Variants in AHNAK observed in about 807,000 individuals in gnomAD.
The protein encoded by AHNAK is AHNAK nucleoprotein.
AHNAK carries 23 observed loss-of-function variants against 37.8 expected under a neutral mutation model. The observed-to-expected ratio is 0.61, with a 90% confidence interval of 0.44 to 0.86. The LOEUF is 0.86. Ranked by LOEUF, AHNAK falls within the 40% of genes least tolerant of loss-of-function variation. AHNAK has a pLI of 0.00. For missense variants in AHNAK, 7,411 were observed against 7,319.4 expected (o/e 1.01, Z -0.46); for synonymous variants, 2,481 against 2,636.3 (o/e 0.94, Z 1.80).
At position 62,517,848 on chromosome 11, in the gene AHNAK, G is replaced by A. The variant is rs776481511; in HGVS notation, c.16569C>T (p.Ile5523=). The change falls in exon 5 of 5, where the codon ATC becomes ATT. Residue 5523 remains isoleucine (I), a synonymous_variant. Coordinates refer to ENST00000378024, the MANE Select transcript of AHNAK (RefSeq NM_001620.3). ...LPTGQISGPE[I]KGGLKGSEVG... is the part of the protein sequence containing the mutation. Reference sequence around the variant, plus strand: ...CTTCTGAACCTTTCAGACCACCTTTGATTTCAGGCCCAGAAATCTGCCCAG... The same window carrying A: ...CTTCTGAACCTTTCAGACCACCTTTAATTTCAGGCCCAGAAATCTGCCCAG... 1.9e-6 allele frequency: 3 copies of A among 1,614,142 alleles called. No individual in the cohort carries two copies. Among genetic ancestry groups the A allele is most frequent in the Non-Finnish European group, 2.5e-6 (3 of 1,180,018 alleles).
At chr11:62,448,141 A>G (rs1183591917) in intron 5 of AHNAK, among the ~76,000 whole-genome samples, 2 of 152,108 alleles carry the variant, frequency 1.3e-5, no homozygotes, top group African/African-American at 4.8e-5. Context: ...GCGTGTGGGG[A>G]CCAAAAGGAA....
chr11:62,474,026 G>A (rs73498079), intron 5 of AHNAK, among the ~76,000 whole-genome samples: 9,159 of 151,570 alleles, frequency 0.06, 932 homozygotes, highest in African/African-American at 0.21. Context: ...TAAGTGAGGT[G>A]ACAGACATGT....
exon 6 of AHNAK, chr11:62,433,741 C>T (rs963551878): frequency 5.0e-6 from 6 of 1,191,782 alleles, no homozygotes; most frequent in African/African-American, 1.5e-5. Flanking sequence ...TCCGAAAAGC[C>T]GCCTCGCGGA....
At position 62,523,125 on chromosome 11, in the gene AHNAK, A is replaced by G. The variant is rs983909701; in HGVS notation, c.11292T>C (p.Asp3764=). Residue 3764 remains aspartate (D), a synonymous_variant, in exon 5 of 5, where the codon GAT becomes GAC. Coordinates refer to ENST00000378024, the MANE Select transcript of AHNAK (RefSeq NM_001620.3). ...LKGPKVKGDV[D]VSLPKMEGDL... ...CACCTTCCATTTTGGGCAGAGAAAC[A>G]TCCACATCGCCCTTGACTTTGGGGC... 1 of 1,613,876 alleles carries G rather than the reference A, an allele frequency of 6.2e-7. No individual in the cohort carries two copies. Among genetic ancestry groups the G allele is most frequent in the Non-Finnish European group, 8.5e-7 (1 of 1,180,010 alleles).
chr11:62,485,289 G>A (rs1267547488), intron 5 of AHNAK, among the ~76,000 whole-genome samples: 1 of 152,088 alleles, frequency 6.6e-6, no homozygotes, highest in Non-Finnish European at 1.5e-5. Flanking sequence ...GTACTGGGGC[G>A]GCTGAGGTGG....
intron 5 of AHNAK, among the ~76,000 whole-genome samples, chr11:62,450,295 T>A (rs1002279139): frequency 1.3e-5 from 2 of 151,918 alleles, no homozygotes; most frequent in African/African-American, 2.4e-5. Flanking sequence ...GTAGCTGAGA[T>A]TACAGGCACC....
chr11:62,515,740 A>C (rs1939998772), downstream of AHNAK, among the ~76,000 whole-genome samples: 1 of 152,190 alleles, frequency 6.6e-6, no homozygotes, highest in South Asian at 2.1e-4. Flanking sequence ...GAGAATCAAG[A>C]AGCAAAGATT....
rs543332723 is a variant in AHNAK at position 62,519,120 on chromosome 11, T to C, written c.15297A>G (p.Ser5099=). The part of the protein sequence containing the change: ...YFPDVEFDIK[S]PKFKAEAPLP... ...GAGGGGCCTCAGCTTTAAATTTAGG[T>C]GATTTAATGTCAAACTCTACATCTG... is the stretch of plus-strand genomic sequence containing the variant. The change falls in exon 5 of 5, where the codon TCA becomes TCG. Residue 5099 remains serine, a synonymous_variant. Transcript: ENST00000378024. The C allele has an allele frequency of 2.5e-5, 40 of 1,613,856 alleles. No individual in the cohort carries two copies. The South Asian group carries it at 4.0e-4, about 16-fold the overall frequency.
intron 1 of AHNAK, among the ~76,000 whole-genome samples, chr11:62,544,524 T>C (rs1013673115): frequency 1.1e-4 from 17 of 152,102 alleles, no homozygotes; most frequent in African/African-American, 3.9e-4. Context: ...CCCCAAACCC[T>C]GCGACCTCTC....
Position 62,523,987 on chromosome 11 carries a change from A to G in AHNAK, c.10430T>C (p.Met3477Thr). Residue 3477 changes from methionine (M) to threonine (T), a missense_variant, in exon 5 of 5, where the codon ATG becomes ACG. Transcript: ENST00000378024. ...AGACACACTGAATTTGGGCATTTTC[A>G]TCTTGGGCATTTTCAGATTCCAGTC... ...GPDWNLKMPK[M>T]KMPKFSVSGL... is the part of the protein sequence containing the mutation. 6.2e-7 allele frequency: 1 copy of G among 1,613,924 alleles called. No individual in the cohort carries two copies. Among genetic ancestry groups the G allele is most frequent in the Non-Finnish European group, 8.5e-7 (1 of 1,179,962 alleles).
rs758756116 is a variant in AHNAK, at chr11:62,529,244, A to G, written c.5173T>C (p.Phe1725Leu). Residue 1725 changes from phenylalanine (F) to leucine (L), a missense_variant, in exon 5 of 5, where the codon TTC (phenylalanine) becomes CTC (leucine). Physicochemically the swap from Phe to Leu is conservative, Grantham distance 22. Coordinates refer to ENST00000378024, the MANE Select transcript of AHNAK (RefSeq NM_001620.3). The part of the protein sequence containing the change: ...MKMPKFSMPG[F>L]KAEGPEVDVN... ...TCCACTTCAGGGCCCTCTGCTTTGA[A>G]GCCAGGCATACTGAACTTGGGCATT... 3.7e-6 allele frequency: 6 copies of G among 1,614,200 alleles called. No individual in the cohort carries two copies. The highest frequency in any genetic ancestry group is 1.6e-4 in the Middle Eastern group (1 of 6,062).
In AHNAK at chr11:62,533,145, C is replaced by A. The variant is rs749441649; in HGVS notation, c.1272G>T (p.Gly424=). Residue 424 remains glycine (G), a synonymous_variant, in exon 5 of 5, where the codon GGG becomes GGT. Transcript: ENST00000378024. ...TGGGCACATTCAGTTTGCTCCCAGGCCCCTGAACATCAATGTCAGGGGCCT... is the reference window on the plus strand; with the variant it reads ...TGGGCACATTCAGTTTGCTCCCAGGACCCTGAACATCAATGTCAGGGGCCT... The part of the protein sequence containing the change: ...EVQAPDIDVQ[G]PGSKLNVPKM... 6 of 1,546,924 alleles carry A rather than the reference C, an allele frequency of 3.9e-6. No homozygotes were observed. Among genetic ancestry groups the A allele is most frequent in the South Asian group, 1.3e-5 (1 of 78,582 alleles).
intron 4 of AHNAK, among the ~76,000 whole-genome samples, chr11:62,500,606 G>A (rs1939695414): frequency 6.6e-6 from 1 of 152,150 alleles, no homozygotes; most frequent in South Asian, 2.1e-4. Flanking sequence ...AATCCAAGTG[G>A]GTTTTAAATT....
chr11:62,483,843 A>G (rs1939330985), intron 5 of AHNAK, among the ~76,000 whole-genome samples: 1 of 142,648 alleles, frequency 7.0e-6, no homozygotes, highest in African/African-American at 2.6e-5. Context: ...TGGGCGACAG[A>G]GCAAGACTCC....
At chr11:62,506,077 C>G (rs1329733564) in intron 4 of AHNAK, among the ~76,000 whole-genome samples, 1 of 146,108 alleles carries the variant, frequency 6.8e-6, no homozygotes, top group Non-Finnish European at 1.5e-5. Context: ...GGCATGGTGG[C>G]GCACGCCGGT....
chr11:62,486,344 A>G (rs1251092810), intron 5 of AHNAK, among the ~76,000 whole-genome samples: 1 of 151,968 alleles, frequency 6.6e-6, no homozygotes, highest in African/African-American at 2.4e-5. Flanking sequence ...GGGGTAGCAC[A>G]TGCCTGTAAT....
intron 5 of AHNAK, among the ~76,000 whole-genome samples, chr11:62,459,213 A>G (rs1938734313): frequency 6.6e-6 from 1 of 152,240 alleles, no homozygotes; most frequent in South Asian, 2.1e-4. Context: ...TTGAATGTGG[A>G]CATGGGTGAT....
Position 62,546,677 on chromosome 11 carries a change from G to A in AHNAK, c.-117C>T, listed in dbSNP as rs1941322455. 1 of 152,302 alleles carries A rather than the reference G, an allele frequency of 6.6e-6. No individual in the cohort carries two copies. The highest frequency in any genetic ancestry group is 2.1e-4 in the South Asian group (1 of 4,836). The allele number at this position is 152,302 out of a possible 1,614,324, so 9.4% of individuals were successfully genotyped here. On this transcript the variant is annotated 5_prime_UTR_variant, in exon 1 of 5. Transcript: ENST00000378024. ...GCCCCTACCTGAGGGCTCAGCCCCA[G>A]GGCACGGCCATAGCCGGCGCGAGGC...
At chr11:62,461,085 T>A (rs1451960400) in intron 5 of AHNAK, among the ~76,000 whole-genome samples, 1 of 138,528 alleles carries the variant, frequency 7.2e-6, no homozygotes, top group East Asian at 2.3e-4. Context: ...TCCGCCCGCC[T>A]CGGCCTCCCA....
Sources: allele counts gnomAD v4.1 joint callset (sites outside exome capture counted in the v4.1 genomes callset), GRCh38; gene constraint gnomAD v4.1.1; transcripts MANE v1.5; gene names NCBI Gene and HGNC (gene_info 2026-07-23, HGNC 2026-07-21).